CLNK: variants seen among roughly 807,000 people sequenced by gnomAD.
CLNK encodes the protein cytokine dependent hematopoietic cell linker.
A neutral mutation model predicts 68.6 loss-of-function variants in CLNK; 74 were observed. That is an observed-to-expected ratio of 1.08 (90% confidence interval 0.89 to 1.31). The LOEUF is 1.31. Among genes scored for constraint, CLNK ranks in the 50% most tolerant of loss-of-function variants. CLNK has a pLI of 0.00. For synonymous variants in CLNK, 198 were observed against 172.2 expected (o/e 1.15, Z -1.17); for missense variants, 553 against 515.3 (o/e 1.07, Z -0.71).
intron 2 of CLNK, among the ~76,000 whole-genome samples, chr4:10,617,307 T>G (rs1439638537): frequency 6.6e-6 from 1 of 152,202 alleles, no homozygotes; most frequent in Admixed American, 6.5e-5. Flanking sequence ...CATCTATTGT[T>G]TATAGCTGGA....
chr4:10,490,737 G>A, intron 18 of CLNK, 124 bp from the exon 19 acceptor site: 1 of 737,680 alleles, frequency 1.4e-6, no homozygotes, highest in South Asian at 2.2e-5. Flanking sequence ...TGTTTGTATG[G>A]TAAAGGTGTT....
the CLNK span, among the ~76,000 whole-genome samples, chr4:10,711,657 G>A: frequency 6.6e-6 from 1 of 152,292 alleles, no homozygotes; most frequent in African/African-American, 2.4e-5. Context: ...TGGTGGAGGA[G>A]TGTCCAACTC....
chr4:10,602,227 A>G (rs1246127983), intron 2 of CLNK, among the ~76,000 whole-genome samples: 1 of 152,194 alleles, frequency 6.6e-6, no homozygotes, highest in Non-Finnish European at 1.5e-5. Flanking sequence ...TGTCTTCTGC[A>G]GACCCTTATT....
chr4:10,529,358 A>G (rs1718441967), intron 12 of CLNK, among the ~76,000 whole-genome samples: 1 of 152,202 alleles, frequency 6.6e-6, no homozygotes, highest in Non-Finnish European at 1.5e-5. Flanking sequence ...GAGGTCCCAA[A>G]GGGTCATGCC....
chr4:10,693,234 C>T, the CLNK span, among the ~76,000 whole-genome samples: 1 of 152,194 alleles, frequency 6.6e-6, no homozygotes, highest in Non-Finnish European at 1.5e-5. Flanking sequence ...GGAGAAAAGA[C>T]TCTCCTAAAG....
chr4:10,585,724 G>C (rs779808476), intron 3 of CLNK, among the ~76,000 whole-genome samples: 1 of 152,118 alleles, frequency 6.6e-6, no homozygotes, highest in African/African-American at 2.4e-5. Context: ...GGCTGGGGTG[G>C]GATGATCACT....
intron 8 of CLNK, among the ~76,000 whole-genome samples, chr4:10,545,529 C>A (rs1719192449): frequency 6.6e-6 from 1 of 152,080 alleles, no homozygotes; most frequent in Admixed American, 6.6e-5. Flanking sequence ...GTTGGCAATG[C>A]ACACCAGTAG....
chr4:10,535,651 A>G (rs928830528), intron 11 of CLNK, among the ~76,000 whole-genome samples: 1 of 152,202 alleles, frequency 6.6e-6, no homozygotes, highest in African/African-American at 2.4e-5. Flanking sequence ...TGTCTTTCAG[A>G]TTATGTCAAA....
chr4:10,637,170 C>G lies in CLNK; in HGVS notation c.11+30689G>C, dbSNP rs536031325. ...AGACATTTATTGCTTATTGAAGACCCATGTACTTTCCCACATTTCCCAGCC... is the reference window on the plus strand; with the variant it reads ...AGACATTTATTGCTTATTGAAGACCGATGTACTTTCCCACATTTCCCAGCC... On this transcript the variant is annotated intron_variant, in intron 2 of 18. Transcript: ENST00000226951. 3.2e-3 allele frequency among the ~76,000 whole-genome samples: 487 copies of G among 152,322 alleles called. 5 individuals are homozygous for G. Among genetic ancestry groups the G allele is most frequent in the Non-Finnish European group, 5.0e-3 (337 of 68,034 alleles).
chr4:10,636,237 A>G (rs1005358807), intron 2 of CLNK, among the ~76,000 whole-genome samples: 1 of 152,218 alleles, frequency 6.6e-6, no homozygotes, highest in Non-Finnish European at 1.5e-5. Context: ...ATCTTGGAGT[A>G]GGGTGGGTCT....
the CLNK span, among the ~76,000 whole-genome samples, chr4:10,693,036 T>G: frequency 6.6e-6 from 1 of 152,228 alleles, no homozygotes; most frequent in Non-Finnish European, 1.5e-5. Context: ...GGCTGGTTAG[T>G]GTATCTGTAA....
intron 9 of CLNK, 45 bp from the exon 10 acceptor site, chr4:10,542,086 A>G: frequency 6.6e-7 from 1 of 1,515,202 alleles, no homozygotes; most frequent in East Asian, 2.3e-5. Context: ...TTGTTCTGTG[A>G]GCAGGGCCAA....
At chr4:10,506,166 G>C (rs142297528) in intron 17 of CLNK, among the ~76,000 whole-genome samples, 2,029 of 152,236 alleles carry the variant, frequency 0.013, 22 homozygotes, top group South Asian at 0.027. Context: ...GTTGGTTGTG[G>C]TAGTCATTTG....
At chr4:10,514,445 T>C (rs10029967) in intron 15 of CLNK, among the ~76,000 whole-genome samples, 148,685 of 149,650 alleles carry the variant, frequency 0.99, 73,877 homozygotes, top group Non-Finnish European at 1. Flanking sequence ...GAAATAACGC[T>C]GCATACCTAC....
chr4:10,704,136 G>T, the CLNK span, among the ~76,000 whole-genome samples: 1 of 151,964 alleles, frequency 6.6e-6, no homozygotes, highest in Non-Finnish European at 1.5e-5. Context: ...AGCTAAAGAA[G>T]GGAGGAAAAA....
intron 1 of CLNK, among the ~76,000 whole-genome samples, chr4:10,674,978 G>A (rs1724812311): frequency 6.6e-6 from 1 of 151,934 alleles, no homozygotes. Context: ...CCTGTTGGGG[G>A]GTTTGGGGCA....
chr4:10,615,551 A>C (rs1298367662), intron 2 of CLNK, among the ~76,000 whole-genome samples: 1 of 151,580 alleles, frequency 6.6e-6, no homozygotes, highest in Non-Finnish European at 1.5e-5. Flanking sequence ...AACACCAAGA[A>C]AGAAAAAAAA....
rs568793050 is a variant in CLNK at position 10,682,874 on chromosome 4, T to C, written c.-43+1794A>G. 1.4e-4 allele frequency among the ~76,000 whole-genome samples: 21 copies of C among 152,324 alleles called. No homozygotes were observed. The South Asian group carries it at 4.1e-3, about 30-fold the overall frequency. ...ATACAACTGTGGAATATTACCATTCTCTAATGAGATTATTAAAATACAATA... is the reference window on the plus strand; with the variant it reads ...ATACAACTGTGGAATATTACCATTCCCTAATGAGATTATTAAAATACAATA... On this transcript the variant is annotated intron_variant, in intron 1 of 18. Coordinates refer to ENST00000226951, the MANE Select transcript of CLNK (RefSeq NM_052964.4).
the CLNK span, among the ~76,000 whole-genome samples, chr4:10,728,577 ATCCT>A: frequency 7.2e-6 from 1 of 139,444 alleles, no homozygotes; most frequent in African/African-American, 2.6e-5. Context: ...TGTGTGATGT[ATCCT>A]TTCTTTCTTT....
Sources: gnomAD v4.1 joint callset for allele counts (sites outside exome capture counted in the v4.1 genomes callset) on GRCh38, gnomAD v4.1.1 for gene constraint, MANE v1.5 for transcripts, NCBI Gene and HGNC (gene_info 2026-07-23, HGNC 2026-07-21) for gene names.